Variants in ST6GALNAC5 observed in about 807,000 individuals in gnomAD.
ST6GALNAC5 encodes ST6 N-acetylgalactosaminide alpha-2,6-sialyltransferase 5.
Under a neutral mutation model 33.6 loss-of-function variants are expected in ST6GALNAC5, and 27 were observed. The observed-to-expected ratio is 0.80, with a 90% confidence interval of 0.59 to 1.11. The LOEUF is 1.11. Ranked by LOEUF, ST6GALNAC5 falls within the 50% of genes least tolerant of loss-of-function variation. The pLI, the probability that ST6GALNAC5 is intolerant of heterozygous loss-of-function variation, is 0.00. For missense variants in ST6GALNAC5, 428 were observed against 454.0 expected, an observed-to-expected ratio of 0.94 and a Z score of 0.52; for synonymous variants, 194 against 171.2, an observed-to-expected ratio of 1.13 and a Z score of -1.04.
At chr1:76,897,739 T>C (rs113306133) in intron 2 of ST6GALNAC5, among the ~76,000 whole-genome samples, 2 of 152,100 alleles carry the variant, frequency 1.3e-5, no homozygotes, top group African/African-American at 2.4e-5. Context: ...AAAGTGTCTC[T>C]GCCTAATAAG....
chr1:77,021,323 T>C (rs1175070108), intron 2 of ST6GALNAC5, among the ~76,000 whole-genome samples: 4 of 152,154 alleles, frequency 2.6e-5, no homozygotes, highest in Admixed American at 1.3e-4. Context: ...GGGCAGGGGG[T>C]ATGTTGCTTT....
chr1:77,059,162 G>C (rs909535829), intron 4 of ST6GALNAC5, among the ~76,000 whole-genome samples: 3 of 152,160 alleles, frequency 2.0e-5, no homozygotes, highest in Non-Finnish European at 2.9e-5. Context: ...CCCTAATGCG[G>C]ATTTGCATTC....
intron 2 of ST6GALNAC5, among the ~76,000 whole-genome samples, chr1:77,013,271 C>A (rs1176544384): frequency 2.0e-5 from 3 of 152,174 alleles, no homozygotes; most frequent in Non-Finnish European, 2.9e-5. Context: ...CTGAAGCCTA[C>A]TCTGTGATTC....
At chr1:77,058,621 G>A (rs1372191816) in intron 4 of ST6GALNAC5, among the ~76,000 whole-genome samples, 1 of 152,212 alleles carries the variant, frequency 6.6e-6, no homozygotes, top group Non-Finnish European at 1.5e-5. Flanking sequence ...TCAGAATCAT[G>A]GGCCAAATAA....
chr1:76,879,253 A>C (rs1382088399), intron 2 of ST6GALNAC5, among the ~76,000 whole-genome samples: 1 of 152,164 alleles, frequency 6.6e-6, no homozygotes, highest in Non-Finnish European at 1.5e-5. Context: ...AGGCATTTCC[A>C]GCTCACTCAC....
chr1:76,982,601 C>A (rs1420325919), intron 2 of ST6GALNAC5, among the ~76,000 whole-genome samples: 1 of 152,148 alleles, frequency 6.6e-6, no homozygotes, highest in Non-Finnish European at 1.5e-5. Flanking sequence ...AGGATATTAT[C>A]CAGGAGAACT....
At chr1:76,918,664 A>T (rs186912520) in intron 2 of ST6GALNAC5, among the ~76,000 whole-genome samples, 6 of 150,714 alleles carry the variant, frequency 4.0e-5, no homozygotes, top group Admixed American at 4.0e-4. Flanking sequence ...TGAGCACCTG[A>T]GCACCAAGCA....
At chr1:76,870,223 G>A (rs539577430) in intron 2 of ST6GALNAC5, among the ~76,000 whole-genome samples, 9 of 152,320 alleles carry the variant, frequency 5.9e-5, no homozygotes, top group African/African-American at 2.2e-4. Flanking sequence ...GCAAGCAACC[G>A]ATAAGGGCTG....
intron 2 of ST6GALNAC5, among the ~76,000 whole-genome samples, chr1:76,989,994 A>T (rs1649660816): frequency 6.6e-6 from 1 of 152,196 alleles, no homozygotes. Context: ...AGAAGAATTC[A>T]GTTGCTTTTA....
chr1:76,933,082 T>A (rs1647161134), intron 2 of ST6GALNAC5, among the ~76,000 whole-genome samples: 2 of 152,068 alleles, frequency 1.3e-5, no homozygotes, highest in African/African-American at 4.8e-5. Flanking sequence ...GTAGCTTTTT[T>A]AAAAAAGAAG....
chr1:76,937,047 C>T lies in ST6GALNAC5; in HGVS notation c.261+68305C>T, dbSNP rs1011300298. On this transcript the variant is annotated intron_variant, in intron 2 of 4. Transcript: ENST00000477717. ...TTTTGGATACATTCCTCAGAGATGC[C>T]GTGTTGAGATGTTTTGTAGATAACT... Among the ~76,000 whole-genome samples the T allele has an allele frequency of 1.1e-4, 16 of 149,142 alleles. No homozygotes were observed. The East Asian group carries it at 1.6e-3, about 15-fold the overall frequency.
rs532577420 is a variant in ST6GALNAC5, at chr1:77,015,490, T to C, written c.262-28714T>C. ...CCCTGTAGCTCAGTCCTCACAGGGC[T>C]CACAGTCCACCCATAAATATGTACA... On this transcript the variant is annotated intron_variant, in intron 2 of 4. Coordinates refer to ENST00000477717, the MANE Select transcript of ST6GALNAC5 (RefSeq NM_030965.3). Among the ~76,000 whole-genome samples, 8 of 152,280 alleles carry C rather than the reference T, an allele frequency of 5.3e-5. No homozygotes were observed. The South Asian group carries it at 8.3e-4, about 16-fold the overall frequency.
chr1:76,939,320 G>A (rs566174087), intron 2 of ST6GALNAC5, among the ~76,000 whole-genome samples: 106 of 152,198 alleles, frequency 7.0e-4, no homozygotes, highest in African/African-American at 2.6e-3. Flanking sequence ...TGGTCAAAAG[G>A]TCAAGAGGCA....
At chr1:76,876,690 C>T (rs990932804) in intron 2 of ST6GALNAC5, among the ~76,000 whole-genome samples, 26 of 152,194 alleles carry the variant, frequency 1.7e-4, no homozygotes, top group African/African-American at 6.3e-4. Flanking sequence ...CAACCACGTG[C>T]ACTGCTCAAA....
chr1:77,027,308 G>T (rs1482735052), intron 2 of ST6GALNAC5, among the ~76,000 whole-genome samples: 1 of 152,176 alleles, frequency 6.6e-6, no homozygotes, highest in Non-Finnish European at 1.5e-5. Context: ...CCTACATTAG[G>T]GGGCAGGGGT....
intron 2 of ST6GALNAC5, among the ~76,000 whole-genome samples, chr1:76,914,492 G>A (rs1646948384): frequency 6.6e-6 from 1 of 152,120 alleles, no homozygotes; most frequent in Admixed American, 6.6e-5. Flanking sequence ...CCAAAACAGA[G>A]ATATAGATCA....
intron 2 of ST6GALNAC5, among the ~76,000 whole-genome samples, chr1:77,034,971 C>G (rs1651596238): frequency 6.6e-6 from 1 of 152,120 alleles, no homozygotes; most frequent in African/African-American, 2.4e-5. Flanking sequence ...AATCCCATAG[C>G]CCCCTGAGGT....
chr1:76,989,031 A>G (rs1649619427), intron 2 of ST6GALNAC5, among the ~76,000 whole-genome samples: 1 of 152,160 alleles, frequency 6.6e-6, no homozygotes, highest in African/African-American at 2.4e-5. Context: ...CTGTGTAAAA[A>G]CAGGAAGGCA....
intron 2 of ST6GALNAC5, among the ~76,000 whole-genome samples, chr1:76,921,391 G>A (rs188221819): frequency 8.6e-5 from 13 of 152,028 alleles, no homozygotes; most frequent in Non-Finnish European, 1.3e-4. Flanking sequence ...GAAAACAACA[G>A]AGAAAAATCA....
Sources: allele counts gnomAD v4.1 joint callset (sites outside exome capture counted in the v4.1 genomes callset), GRCh38; gene constraint gnomAD v4.1.1; transcripts MANE v1.5; gene names NCBI Gene and HGNC (gene_info 2026-07-23, HGNC 2026-07-21).